The following RABGAP1 variants were observed in gnomAD, a reference collection of about 807,000 sequenced individuals.
The protein encoded by RABGAP1 is rab GTPase-activating protein 1.
In RABGAP1, 23 loss-of-function variants were observed where a neutral mutation model predicts 137.6. The observed-to-expected ratio is 0.17, with a 90% CI of 0.12 to 0.24. The LOEUF is 0.24. RABGAP1 is among the 10% of genes least tolerant of loss of function. RABGAP1 has a pLI of 1.00. For synonymous variants in RABGAP1, 451 were observed against 450.7 expected, an observed-to-expected ratio of 1.00 and a Z score of -0.01; for missense variants, 906 against 1,275.8, an observed-to-expected ratio of 0.71 and a Z score of 4.42.
chr9:122,997,217 C>A, intron 8 of RABGAP1, 42 bp from the exon 9 acceptor site: 1 of 1,470,924 alleles, frequency 6.8e-7, no homozygotes, highest in Non-Finnish European at 9.4e-7. Flanking sequence ...CTGTTGTTCA[C>A]TCACTGTGGC....
At chr9:122,990,352 T>A in intron 6 of RABGAP1, 139 bp downstream of exon 6, 1 of 647,482 alleles carries the variant, frequency 1.5e-6, no homozygotes, top group Non-Finnish European at 2.3e-6. Context: ...TAAAGGCATA[T>A]AAATACATAA....
intron 2 of RABGAP1, among the ~76,000 whole-genome samples, chr9:122,967,606 T>C (rs1415878504): frequency 6.6e-6 from 1 of 152,224 alleles, no homozygotes; most frequent in Non-Finnish European, 1.5e-5. Flanking sequence ...AAAATTTTCT[T>C]GTAAACTTTC....
At chr9:122,981,493 A>G (rs1836054166) in intron 2 of RABGAP1, among the ~76,000 whole-genome samples, 1 of 152,150 alleles carries the variant, frequency 6.6e-6, no homozygotes, top group African/African-American at 2.4e-5. Context: ...TTAATCTAAG[A>G]TTGTTTCTCA....
intron 2 of RABGAP1, among the ~76,000 whole-genome samples, chr9:122,962,619 T>TAATTATACATCAAAG (rs1288160921): frequency 6.6e-6 from 1 of 152,036 alleles, no homozygotes; most frequent in African/African-American, 2.4e-5. Flanking sequence ...CAAAGAAATG[T>TAATTATACATCAAAG]AAATGCTATA....
At chr9:122,956,701 A>G (rs1188444279) in intron 1 of RABGAP1, among the ~76,000 whole-genome samples, 19 of 152,000 alleles carry the variant, frequency 1.3e-4, no homozygotes, top group Admixed American at 1.2e-3. Context: ...TAATACTTAT[A>G]TATTTTTGGA....
At chr9:123,079,206 GTTGT>G (rs1019966212) in intron 19 of RABGAP1, among the ~76,000 whole-genome samples, 12 of 80,736 alleles carry the variant, frequency 1.5e-4, no homozygotes, top group Middle Eastern at 0.015. Flanking sequence ...TTTTGTTGTT[GTTGT>G]TTGTTTTTTT....
rs528300373 is a variant in RABGAP1 at position 123,057,809 on chromosome 9, G to A, written c.1795-7539G>A. 4.1e-4 allele frequency among the ~76,000 whole-genome samples: 62 copies of A among 152,352 alleles called. 1 individual carries two copies. Among genetic ancestry groups the A allele is most frequent in the East Asian group, 9.6e-4 (5 of 5,190 alleles). ...ACTCCGTCTGCAATCCCAGCACCTC[G>A]GGAGGCTGAGGGTGGCGGATCACTC... On this transcript the variant is annotated intron_variant, in intron 13 of 25. Transcript: ENST00000373647.
In RABGAP1 at chr9:123,104,664, C is replaced by G. The variant is rs1171248946; in HGVS notation, c.*1451C>G. 6.6e-6 allele frequency: 1 copy of G among 152,494 alleles called. No individual in the cohort carries two copies. Among genetic ancestry groups the G allele is most frequent in the African/African-American group, 2.4e-5 (1 of 41,458 alleles). The allele number at this position is 152,494 out of a possible 1,614,324, so 9.4% of individuals were successfully genotyped here. ...CAACCCCCTCCCCACCAACCATCCC[C>G]TTTGCTGCTTTCTGTGTCTTTCTTG... On this transcript the variant is annotated 3_prime_UTR_variant, in exon 26 of 26. Transcript: ENST00000373647.
chr9:122,959,507 A>G (rs1307671488), intron 2 of RABGAP1, among the ~76,000 whole-genome samples: 1 of 152,190 alleles, frequency 6.6e-6, no homozygotes, highest in East Asian at 1.9e-4. Context: ...ACTGGTGACA[A>G]TTACAAAAAT....
At chr9:122,989,905 C>T (rs1207616950) in intron 5 of RABGAP1, 151 bp from the exon 6 acceptor site, 2 of 852,466 alleles carry the variant, frequency 2.3e-6, no homozygotes, top group Non-Finnish European at 3.5e-6. Context: ...GTGTTGCTTG[C>T]TTTATAGGCC....
In RABGAP1 at chr9:123,101,736, G is replaced by T; in HGVS notation, c.3060G>T (p.Gln1020His). The T allele has an allele frequency of 6.2e-7, 1 of 1,610,920 alleles. No homozygotes were observed. Among genetic ancestry groups the T allele is most frequent in the Non-Finnish European group, 8.5e-7 (1 of 1,178,754 alleles). ...MELELAQTKL[Q>H]LVEAECKIQD... is the part of the protein sequence containing the mutation. ...TAGAACTGGCACAGACCAAACTCCAGCTGGTGGAGGCCGAGTGTAAGATAC... is the reference window on the plus strand; with the variant it reads ...TAGAACTGGCACAGACCAAACTCCATCTGGTGGAGGCCGAGTGTAAGATAC... Residue 1020 changes from glutamine (Q) to histidine (H), a missense_variant, in exon 25 of 26, where the codon CAG becomes CAT. Physicochemically the swap from Gln to His is conservative, Grantham distance 24. Coordinates refer to ENST00000373647, the MANE Select transcript of RABGAP1 (RefSeq NM_012197.4).
chr9:123,081,981 G>T (rs906642433), intron 19 of RABGAP1, among the ~76,000 whole-genome samples: 12 of 151,454 alleles, frequency 7.9e-5, no homozygotes, highest in Admixed American at 7.2e-4. Context: ...AAAGGTTCAA[G>T]AATTAAATTT....
At chr9:123,056,695 C>G (rs1479654337) in intron 13 of RABGAP1, among the ~76,000 whole-genome samples, 1 of 151,942 alleles carries the variant, frequency 6.6e-6, no homozygotes, top group Non-Finnish European at 1.5e-5. Flanking sequence ...AACGAGCATG[C>G]TGCCTTCAAG....
chr9:122,987,049 A>G (rs1836408849), intron 4 of RABGAP1, among the ~76,000 whole-genome samples: 1 of 152,138 alleles, frequency 6.6e-6, no homozygotes, highest in Non-Finnish European at 1.5e-5. Context: ...AAATGGGAGG[A>G]TCACCTGAGC....
upstream of RABGAP1, chr9:122,938,182 C>T (rs1289852806): frequency 6.6e-6 from 1 of 152,176 alleles, no homozygotes; most frequent in African/African-American, 2.4e-5. Context: ...CTCAAGCCTT[C>T]CTCATCTTAG....
intron 25 of RABGAP1, 57 bp from the exon 26 acceptor site, chr9:123,103,034 G>T (rs2035388518): frequency 6.3e-7 from 1 of 1,586,294 alleles, no homozygotes; most frequent in Admixed American, 1.8e-5. Flanking sequence ...CTCCTCTGGG[G>T]AGCCAGTGTC....
At chr9:123,033,483 G>A (rs886243925) in intron 13 of RABGAP1, 2 of 152,148 alleles carry the variant, frequency 1.3e-5, no homozygotes, top group African/African-American at 4.8e-5. Context: ...TCTGGAAATC[G>A]GGGCACCTCT....
intron 13 of RABGAP1, among the ~76,000 whole-genome samples, chr9:123,024,667 C>T (rs531792263): frequency 7.5e-4 from 114 of 152,016 alleles, no homozygotes; most frequent in Middle Eastern, 3.4e-3. Flanking sequence ...CTCGAACTCC[C>T]GACCTCGTGA....
At chr9:123,020,627 A>G (rs1221544200) in intron 13 of RABGAP1, among the ~76,000 whole-genome samples, 168 bp downstream of exon 13, 3 of 152,216 alleles carry the variant, frequency 2.0e-5, no homozygotes, top group Non-Finnish European at 4.4e-5. Context: ...CGAAGAAGTC[A>G]TAGTTTTTTC....
Sources: allele counts gnomAD v4.1 joint callset (sites outside exome capture counted in the v4.1 genomes callset), GRCh38; gene constraint gnomAD v4.1.1; transcripts MANE v1.5; gene names NCBI Gene and HGNC (gene_info 2026-07-23, HGNC 2026-07-21).